Variants in DRC8 observed in about 807,000 individuals in gnomAD.
DRC8 encodes dynein regulatory complex subunit 8.
the DRC8 span, among the ~76,000 whole-genome samples, chr1:245,003,590 C>G: frequency 1.3e-5 from 2 of 152,050 alleles, no homozygotes; most frequent in Non-Finnish European, 2.9e-5. Context: ...AGATTGACAT[C>G]ATTTGGAGGT....
the DRC8 span, among the ~76,000 whole-genome samples, chr1:245,082,375 A>C: frequency 6.6e-6 from 1 of 152,258 alleles, no homozygotes; most frequent in Non-Finnish European, 1.5e-5. Flanking sequence ...GCAAAGCATA[A>C]TTAGAGGGTA....
chr1:245,110,619 G>A, the DRC8 span, among the ~76,000 whole-genome samples: 2 of 152,398 alleles, frequency 1.3e-5, no homozygotes, highest in Non-Finnish European at 2.9e-5. Context: ...GAGGGCCAGA[G>A]CAGGGCCTTT....
chr1:245,054,509 C>T, the DRC8 span, among the ~76,000 whole-genome samples: 1 of 152,202 alleles, frequency 6.6e-6, no homozygotes, highest in Non-Finnish European at 1.5e-5. Context: ...CTCTCAGCAG[C>T]ATCGGAAAGC....
the DRC8 span, among the ~76,000 whole-genome samples, chr1:245,108,780 A>G: frequency 1.3e-5 from 2 of 151,946 alleles, no homozygotes; most frequent in Non-Finnish European, 2.9e-5. Context: ...CTCTACTCCT[A>G]TAATACGAGA....
chr1:245,019,043 C>T, the DRC8 span, among the ~76,000 whole-genome samples: 2 of 152,162 alleles, frequency 1.3e-5, no homozygotes, highest in East Asian at 1.9e-4. Context: ...CTCCCGATCA[C>T]TGACAGCAAT....
chr1:245,004,720 C>T, the DRC8 span, among the ~76,000 whole-genome samples: 1 of 152,188 alleles, frequency 6.6e-6, no homozygotes, highest in African/African-American at 2.4e-5. Context: ...CTTTCTAAGA[C>T]ATGCTTATTC....
chr1:245,106,160 C>T, the DRC8 span, among the ~76,000 whole-genome samples: 1,236 of 152,268 alleles, frequency 8.1e-3, 18 homozygotes, highest in African/African-American at 0.029. Context: ...ACGTATAAGC[C>T]TCCCTTTGGC....
chr1:245,095,229 G>T, the DRC8 span, among the ~76,000 whole-genome samples: 1 of 152,330 alleles, frequency 6.6e-6, no homozygotes, highest in Non-Finnish European at 1.5e-5. Context: ...GCTCCGTCTG[G>T]CCTGGGCAGG....
chr1:245,008,515 C>A, the DRC8 span, among the ~76,000 whole-genome samples: 1 of 151,988 alleles, frequency 6.6e-6, no homozygotes, highest in Non-Finnish European at 1.5e-5. Flanking sequence ...TTTAAAAAAT[C>A]TTTAATATGA....
chr1:245,101,555 C>A, the DRC8 span, among the ~76,000 whole-genome samples: 1 of 152,144 alleles, frequency 6.6e-6, no homozygotes, highest in African/African-American at 2.4e-5. Flanking sequence ...TGGTGATAAT[C>A]TAATTCTATC....
chr1:245,046,971 T>G, the DRC8 span, among the ~76,000 whole-genome samples: 2 of 152,194 alleles, frequency 1.3e-5, no homozygotes, highest in South Asian at 4.1e-4. Flanking sequence ...TGCTCCGTTT[T>G]AGAGGGCGAG....
chr1:244,970,295 C>A, the DRC8 span: 14 of 744,040 alleles, frequency 1.9e-5, no homozygotes, highest in Non-Finnish European at 3.2e-5. Context: ...CAAGGGTCTT[C>A]CTCCCCCGGG....
the DRC8 span, among the ~76,000 whole-genome samples, chr1:245,001,824 CT>C: frequency 6.6e-6 from 1 of 152,096 alleles, no homozygotes; most frequent in Non-Finnish European, 1.5e-5. Flanking sequence ...AATTTTTTTT[CT>C]CTTGGTTCTG....
chr1:244,972,916 T>G, the DRC8 span, among the ~76,000 whole-genome samples: 22 of 152,170 alleles, frequency 1.4e-4, no homozygotes, highest in African/African-American at 5.1e-4. Flanking sequence ...TAATTGCAGT[T>G]TGTGAAGGGT....
the DRC8 span, among the ~76,000 whole-genome samples, chr1:245,065,073 CT>C: frequency 0.06 from 4,831 of 80,842 alleles, 57 homozygotes; most frequent in East Asian, 0.15. Context: ...TAACATTCTT[CT>C]TTTTTTTTTT....
the DRC8 span, among the ~76,000 whole-genome samples, chr1:245,008,405 T>C: frequency 6.6e-6 from 1 of 152,204 alleles, no homozygotes; most frequent in Non-Finnish European, 1.5e-5. Flanking sequence ...AAGTTCCAAA[T>C]GTATTTAAAA....
chr1:245,116,143 C>G, the DRC8 span, among the ~76,000 whole-genome samples: 1 of 151,948 alleles, frequency 6.6e-6, no homozygotes, highest in Non-Finnish European at 1.5e-5. Context: ...CTGCCTCAGT[C>G]TCTCAAAGTG....
At chr1:245,054,701 C>T in the DRC8 span, among the ~76,000 whole-genome samples, 8 of 152,264 alleles carry the variant, frequency 5.3e-5, no homozygotes, top group African/African-American at 1.2e-4. Context: ...ATACATTCTA[C>T]GTAGAGGAGC....
At chr1:245,083,314 TG>T in the DRC8 span, 1 of 799,822 alleles carries the variant, frequency 1.3e-6, no homozygotes. Context: ...TCCCCTCCCC[TG>T]GTCTGTGGAA....
Sources: gnomAD v4.1 joint callset for allele counts (sites outside exome capture counted in the v4.1 genomes callset) on GRCh38, gnomAD v4.1.1 for gene constraint, MANE v1.5 for transcripts, NCBI Gene and HGNC (gene_info 2026-07-23, HGNC 2026-07-21) for gene names.